NOX4: variants seen among roughly 807,000 people sequenced by gnomAD.
The protein encoded by NOX4 is kidney oxidase-1.
NOX4 carries 69 observed loss-of-function variants against 87.6 expected under a neutral mutation model. That is an observed-to-expected ratio of 0.79 (90% CI 0.65 to 0.96). The LOEUF (loss-of-function observed/expected upper bound fraction) is 0.96, where lower values mean the gene tolerates loss of function less well. Among genes scored for constraint, NOX4 ranks in the 40% least tolerant of loss-of-function variants. NOX4 has a pLI of 0.00. For missense variants in NOX4, 680 were observed against 681.5 expected, an observed-to-expected ratio of 1.00 and a Z score of 0.02; for synonymous variants, 275 against 238.2, an observed-to-expected ratio of 1.15 and a Z score of -1.42.
At chr11:89,448,619 C>T (rs1944815057) in intron 4 of NOX4, among the ~76,000 whole-genome samples, 1 of 152,044 alleles carries the variant, frequency 6.6e-6, no homozygotes, top group African/African-American at 2.4e-5. Context: ...CAGTGGCACC[C>T]GCCTATAATC....
At chr11:89,401,551 T>C (rs1405202772) in intron 9 of NOX4, among the ~76,000 whole-genome samples, 1 of 152,126 alleles carries the variant, frequency 6.6e-6, no homozygotes, top group Non-Finnish European at 1.5e-5. Flanking sequence ...ATTTCCTACT[T>C]CCACTTTTTA....
At chr11:89,359,631 T>C (rs1227209289) in intron 12 of NOX4, among the ~76,000 whole-genome samples, 1 of 152,088 alleles carries the variant, frequency 6.6e-6, no homozygotes, top group Non-Finnish European at 1.5e-5. Flanking sequence ...TGTCACATAA[T>C]TAGTTTTTTT....
At chr11:89,380,180 G>C (rs185073566) in intron 11 of NOX4, among the ~76,000 whole-genome samples, 1 of 152,302 alleles carries the variant, frequency 6.6e-6, no homozygotes, top group African/African-American at 2.4e-5. Flanking sequence ...AGAGGTTGAA[G>C]AAATGAACAC....
chr11:89,363,643 T>C (rs1200648516), intron 12 of NOX4, among the ~76,000 whole-genome samples: 2 of 152,120 alleles, frequency 1.3e-5, no homozygotes. Flanking sequence ...TTATTTTCCT[T>C]AGAAGTATGC....
chr11:89,542,891 G>C, the NOX4 span, among the ~76,000 whole-genome samples: 1 of 152,186 alleles, frequency 6.6e-6, no homozygotes, highest in South Asian at 2.1e-4. Flanking sequence ...AAGGAAGATA[G>C]GGGATTTAAG....
rs564805586 is a variant in NOX4 at position 89,352,221 on chromosome 11, A to G, written c.1217+2741T>C. ...CCCTGACTTGGCTACTACACAATCT[A>G]TCCATGTATCAAAATTACATACGTA... On this transcript the variant is annotated intron_variant, in intron 13 of 17. Coordinates refer to ENST00000263317, the MANE Select transcript of NOX4 (RefSeq NM_016931.5). Among the ~76,000 whole-genome samples, 11 of 152,304 alleles carry G rather than the reference A, an allele frequency of 7.2e-5. No homozygotes were observed. The East Asian group carries it at 7.7e-4, about 11-fold the overall frequency.
At chr11:89,471,527 T>A (rs887971198) in intron 2 of NOX4, among the ~76,000 whole-genome samples, 1 of 152,102 alleles carries the variant, frequency 6.6e-6, no homozygotes, top group African/African-American at 2.4e-5. Flanking sequence ...TTGGAAAAAA[T>A]TTATTTTTCC....
upstream of NOX4, among the ~76,000 whole-genome samples, chr11:89,494,444 T>C (rs557815495): frequency 6.6e-6 from 1 of 152,346 alleles, no homozygotes; most frequent in Middle Eastern, 3.4e-3. Flanking sequence ...CAAATTAATT[T>C]AATTATACGT....
Position 89,343,970 on chromosome 11 carries a change from A to T in NOX4, c.1218-1777T>A, listed in dbSNP as rs556763764. 7.9e-5 allele frequency among the ~76,000 whole-genome samples: 12 copies of T among 152,060 alleles called. No individual in the cohort carries two copies. The East Asian group carries it at 1.5e-3, about 20-fold the overall frequency. ...TTGAAAGTAGAATTTATTTACATTT[A>T]AAAAAACTGATTTAAATCTTTTATT... On this transcript the variant is annotated intron_variant, in intron 13 of 17. Transcript: ENST00000263317.
chr11:89,374,651 A>G (rs767655077), intron 11 of NOX4, among the ~76,000 whole-genome samples: 1 of 152,236 alleles, frequency 6.6e-6, no homozygotes, highest in Non-Finnish European at 1.5e-5. Flanking sequence ...ATTCTTAATT[A>G]TTGCAGGTCA....
chr11:89,342,859 T>C (rs1350589280), intron 13 of NOX4, among the ~76,000 whole-genome samples: 1 of 152,146 alleles, frequency 6.6e-6, no homozygotes, highest in African/African-American at 2.4e-5. Flanking sequence ...AGAGAAATCC[T>C]TCTTAACTGC....
At chr11:89,357,919 T>G (rs1938193571) in intron 12 of NOX4, among the ~76,000 whole-genome samples, 1 of 151,908 alleles carries the variant, frequency 6.6e-6, no homozygotes, top group South Asian at 2.1e-4. Context: ...TGCACACGTG[T>G]GTGTGCATAC....
chr11:89,491,060 T>C, intron 1 of NOX4, 130 bp downstream of exon 1: 1 of 807,452 alleles, frequency 1.2e-6, no homozygotes, highest in Non-Finnish European at 2.0e-6. Context: ...CATAAAGTTT[T>C]GTAAGTTGAG....
At chr11:89,368,296 AT>A (rs1939170570) in intron 12 of NOX4, among the ~76,000 whole-genome samples, 2 of 152,116 alleles carry the variant, frequency 1.3e-5, no homozygotes, top group Admixed American at 6.6e-5. Context: ...GCCAGGTCTA[AT>A]GATAGATAAA....
intron 11 of NOX4, among the ~76,000 whole-genome samples, chr11:89,384,018 G>C (rs532172044): frequency 6.6e-6 from 1 of 151,980 alleles, no homozygotes; most frequent in East Asian, 1.9e-4. Flanking sequence ...GTAATCACTC[G>C]CCTGTTACAG....
chr11:89,470,448 A>G (rs1945882675), intron 2 of NOX4, among the ~76,000 whole-genome samples: 1 of 152,182 alleles, frequency 6.6e-6, no homozygotes, highest in Non-Finnish European at 1.5e-5. Flanking sequence ...TGAATGAATG[A>G]GGCTAAGAGA....
chr11:89,501,932 T>C (rs1175208221), upstream of NOX4, among the ~76,000 whole-genome samples: 1 of 152,222 alleles, frequency 6.6e-6, no homozygotes, highest in East Asian at 1.9e-4. Context: ...GAGTTTTTGT[T>C]GCAGTTATCC....
chr11:89,442,823 G>A (rs188857486), intron 5 of NOX4, among the ~76,000 whole-genome samples: 23 of 152,152 alleles, frequency 1.5e-4, no homozygotes, highest in African/African-American at 5.1e-4. Context: ...CCATTAAAAT[G>A]AGAAAACCAT....
chr11:89,539,755 T>C, the NOX4 span, among the ~76,000 whole-genome samples: 1 of 152,134 alleles, frequency 6.6e-6, no homozygotes, highest in Non-Finnish European at 1.5e-5. Context: ...ATACCAGAAC[T>C]GGCATAGTAG....
Sources: allele counts gnomAD v4.1 joint callset (sites outside exome capture counted in the v4.1 genomes callset), GRCh38; gene constraint gnomAD v4.1.1; transcripts MANE v1.5; gene names NCBI Gene and HGNC (gene_info 2026-07-23, HGNC 2026-07-21).